The following POLE variants were observed in gnomAD, a reference collection of about 807,000 sequenced individuals.
The protein encoded by POLE is DNA polymerase epsilon catalytic subunit A.
In POLE, 188 loss-of-function variants were observed where a neutral mutation model predicts 279.2. That is an observed-to-expected ratio of 0.67 (90% CI 0.60 to 0.76). POLE has a LOEUF of 0.76. Ranked by LOEUF, POLE falls within the 30% of genes least tolerant of loss-of-function variation. The pLI is 0.00. For synonymous variants in POLE, 1,214 were observed against 1,172.5 expected, an observed-to-expected ratio of 1.04 and a Z score of -0.72; for missense variants, 2,703 against 3,016.7, an observed-to-expected ratio of 0.90 and a Z score of 2.44.
At chr12:132,649,998 G>T in intron 29 of POLE, 109 bp from the exon 30 acceptor site, 1 of 926,126 alleles carries the variant, frequency 1.1e-6, no homozygotes, top group Non-Finnish European at 1.6e-6. Flanking sequence ...ATTGCTTGGG[G>T]CCAGGAGTTT....
rs1202499965 is a variant in POLE at position 132,687,336 on chromosome 12, C to T, written c.-21G>A. 8 of 1,491,448 alleles carry T rather than the reference C, an allele frequency of 5.4e-6. No individual in the cohort carries two copies. The highest frequency in any genetic ancestry group is 4.2e-5 in the Admixed American group (2 of 47,334). 92.4% of individuals were successfully genotyped at this position (1,491,448 alleles called of 1,614,324 possible). On this transcript the variant is annotated 5_prime_UTR_variant, in exon 1 of 49. Coordinates refer to ENST00000320574, the MANE Select transcript of POLE (RefSeq NM_006231.4). ...GACATGGAGCCGTTGGCTACCACCTCTGCTTCAGGGGAGAAATTTGGCGCG... is the reference window on the plus strand; with the variant it reads ...GACATGGAGCCGTTGGCTACCACCTTTGCTTCAGGGGAGAAATTTGGCGCG...
chr12:132,681,501 G>A (rs1038649065), intron 1 of POLE, among the ~76,000 whole-genome samples: 3 of 152,158 alleles, frequency 2.0e-5, no homozygotes, highest in African/African-American at 4.8e-5. Flanking sequence ...CAGCCACCAC[G>A]CCTGGCTAAT....
chr12:132,636,484 G>A (rs1565930782), intron 41 of POLE, among the ~76,000 whole-genome samples: 3 of 149,706 alleles, frequency 2.0e-5, no homozygotes, highest in South Asian at 2.1e-4. Context: ...GGCCAGGCAC[G>A]GTGGCTCACG....
chr12:132,641,787 G>A lies in POLE; in HGVS notation c.5238C>T (p.Asn1746=), dbSNP rs200128464. Residue 1746 remains asparagine (N), a synonymous_variant, in exon 39 of 49, where the codon AAC becomes AAT. Coordinates refer to ENST00000320574, the MANE Select transcript of POLE (RefSeq NM_006231.4). ...CCATGCTGTCGGCCCCCTCCATGTC[G>A]TTGACATGGTGAGACTGGAGAATGG... The part of the protein sequence containing the change: ...VNTILQSHHV[N]DMEGADSMGI... 6.9e-5 allele frequency: 111 copies of A among 1,607,202 alleles called. No homozygotes were observed. The highest frequency in any genetic ancestry group is 8.7e-5 in the Non-Finnish European group (103 of 1,179,868).
Position 132,624,510 on chromosome 12 carries a change from G to T in POLE, c.*187C>A, listed in dbSNP as rs532330906. On this transcript the variant is annotated 3_prime_UTR_variant, in exon 49 of 49. Transcript: ENST00000320574. ...GAGGCCAGGGCCACATCCTGCTCCC[G>T]CTCCCTCCTGTGACGTCTGAGCTCC... is the stretch of plus-strand genomic sequence containing the variant. 5 of 606,410 alleles carry T rather than the reference G, an allele frequency of 8.2e-6. No individual in the cohort carries two copies. The highest frequency in any genetic ancestry group is 1.2e-5 in the Non-Finnish European group (4 of 339,096). The allele number at this position is 606,410 out of a possible 1,614,324, so 37.6% of individuals were successfully genotyped here. A position where few individuals can be genotyped will look rare whatever the true frequency, so the allele number is the denominator to read the frequency against.
Position 132,624,673 on chromosome 12 carries a change from G to C in POLE, c.*24C>G. The C allele has an allele frequency of 7.0e-7, 1 of 1,423,324 alleles. No homozygotes were observed. Among genetic ancestry groups the C allele is most frequent in the Non-Finnish European group, 9.9e-7 (1 of 1,007,074 alleles). The allele number at this position is 1,423,324 out of a possible 1,614,324, so 88.2% of individuals were successfully genotyped here. A position where few individuals can be genotyped will look rare whatever the true frequency, so the allele number is the denominator to read the frequency against. On this transcript the variant is annotated 3_prime_UTR_variant, in exon 49 of 49. Coordinates refer to ENST00000320574, the MANE Select transcript of POLE (RefSeq NM_006231.4). The stretch of plus-strand genomic sequence containing the variant: ...CATCAGGAGGCCTGGCACGGACGCA[G>C]AGGCACCCGGGGCCCGGGGCTGGCT...
intron 29 of POLE, among the ~76,000 whole-genome samples, chr12:132,654,292 C>T (rs1167414388): frequency 3.3e-5 from 5 of 151,166 alleles, no homozygotes; most frequent in Admixed American, 6.6e-5. Context: ...AGGCAGGTCT[C>T]GAACTCCTGG....
At chr12:132,662,701 G>C in intron 23 of POLE, among the ~76,000 whole-genome samples, 1 of 152,150 alleles carries the variant, frequency 6.6e-6, no homozygotes. Context: ...GAGGCTGGTG[G>C]ACCTTACAGT....
In POLE at chr12:132,649,526, TG is replaced by T; in HGVS notation, c.3796-12del. The stretch of plus-strand genomic sequence containing the variant: ...GACAAGCCATTCCTCCTGGGATGGA[TG>T]GTGAGCACAGCCAGTGTGCAAGTGG... On this transcript the variant is annotated splice_polypyrimidine_tract_variant and intron_variant, in intron 30 of 48. Transcript: ENST00000320574. 6.2e-7 allele frequency: 1 copy of T among 1,611,722 alleles called. No individual in the cohort carries two copies. The highest frequency in any genetic ancestry group is 8.5e-7 in the Non-Finnish European group (1 of 1,179,416).
At position 132,668,423 on chromosome 12, in the gene POLE, C is replaced by A. The variant is rs5744801; in HGVS notation, c.2106G>T (p.Gly702=). The part of the protein sequence containing the change: ...SEKFPPLFPE[G]PARAFHELSR... ...ACAGTTCATGAAAGGCCCGAGCTGG[C>A]CCCTCTGGGAACAAGGGGGGGAACT... Residue 702 remains glycine, a synonymous_variant, in exon 19 of 49, where the codon GGG becomes GGT. Transcript: ENST00000320574. This position sits in a 1 kb window ranked among gnomAD's most constrained non-coding sequence, Gnocchi z 4.0. 3.6e-4 allele frequency: 574 copies of A among 1,612,620 alleles called. 3 individuals are homozygous for A. The African/African-American group carries it at 6.8e-3, about 19-fold the overall frequency.
At chr12:132,673,394 C>T (rs945870525) in intron 13 of POLE, 117 bp from the exon 14 acceptor site, 23 of 1,161,962 alleles carry the variant, frequency 2.0e-5, no homozygotes, top group Middle Eastern at 2.0e-4. Flanking sequence ...GTAAGGAGAC[C>T]GGCACAGGAC....
rs755716866 is a variant in POLE at position 132,681,129 on chromosome 12, A to C, written c.204+9T>G. The C allele has an allele frequency of 6.2e-7, 1 of 1,613,958 alleles. No homozygotes were observed. Among genetic ancestry groups the C allele is most frequent in the Admixed American group, 1.7e-5 (1 of 60,010 alleles). On this transcript the variant is annotated intron_variant, in intron 2 of 48. Transcript: ENST00000320574. ...ATATTCCTGGGTGGGAGAAGGACCT[A>C]GTGCTTACAGGATGCATGTTAATGA...
At chr12:132,649,140 C>T (rs2138601945) in intron 31 of POLE, 68 bp from the exon 32 acceptor site, 2 of 1,565,182 alleles carry the variant, frequency 1.3e-6, no homozygotes, top group Non-Finnish European at 1.7e-6. Context: ...GGCCACCTTC[C>T]AGGTAGCTTG....
chr12:132,668,795 G>A lies in POLE; in HGVS notation c.1923+16C>T, dbSNP rs2135978812. 3 of 1,613,882 alleles carry A rather than the reference G, an allele frequency of 1.9e-6. No homozygotes were observed. The highest frequency in any genetic ancestry group is 2.5e-6 in the Non-Finnish European group (3 of 1,179,772). On this transcript the variant is annotated intron_variant, in intron 17 of 48. Coordinates refer to ENST00000320574, the MANE Select transcript of POLE (RefSeq NM_006231.4). The surrounding 1 kb of genome is among the most constrained non-coding windows in gnomAD (Gnocchi z 4.0). ...CAGAGAGAGCTCCGACTCTGACACG[G>A]GAAGTAAAGTCTCACCTGCAGGCGG...
chr12:132,640,341 G>A (rs1184154410), intron 39 of POLE, among the ~76,000 whole-genome samples: 1 of 152,138 alleles, frequency 6.6e-6, no homozygotes, highest in Non-Finnish European at 1.5e-5. Context: ...GAAGAGGCAG[G>A]GGCTGCCCTG....
chr12:132,681,332 CTTCT>C (rs2043163838), intron 1 of POLE, 53 bp from the exon 2 acceptor site: 2 of 1,570,508 alleles, frequency 1.3e-6, no homozygotes. Context: ...CCTGCTGCTG[CTTCT>C]TTTTTTCTTT....
Position 132,641,769 on chromosome 12 carries a change from G to A in POLE, c.5256C>T (p.Asp1752=), listed in dbSNP as rs2138525254. The change falls in exon 39 of 49, where the codon GAC becomes GAT. Residue 1752 remains aspartate (D), a synonymous_variant. Transcript: ENST00000320574. ...SHHVNDMEGA[D]SMGISFDVIQ... is the part of the protein sequence containing the mutation. ...TCACGTCGAAGCTGATCCCCATGCT[G>A]TCGGCCCCCTCCATGTCGTTGACAT... 6.2e-7 allele frequency: 1 copy of A among 1,610,204 alleles called. No individual in the cohort carries two copies. The highest frequency in any genetic ancestry group is 8.5e-7 in the Non-Finnish European group (1 of 1,179,982).
intron 29 of POLE, chr12:132,651,402 A>G (rs972042002): frequency 6.6e-6 from 1 of 152,200 alleles, no homozygotes. Flanking sequence ...CCCGGAGAAC[A>G]ACCACCTCCA....
At chr12:132,667,717 G>A (rs2042829400) in intron 19 of POLE, 69 bp from the exon 20 acceptor site, 1 of 1,524,682 alleles carries the variant, frequency 6.6e-7, no homozygotes, top group Admixed American at 1.7e-5. Context: ...CAGGGCACAG[G>A]GGTGCTGAAG....
Sources: gnomAD v4.1 joint callset for allele counts (sites outside exome capture counted in the v4.1 genomes callset) on GRCh38, gnomAD v4.1.1 for gene constraint, Gnocchi (gnomAD v3.1) non-coding constraint, MANE v1.5 for transcripts, NCBI Gene and HGNC (gene_info 2026-07-23, HGNC 2026-07-21) for gene names.